The following ZNF335 variants were observed in gnomAD, a reference collection of about 807,000 sequenced individuals.
The protein encoded by ZNF335 is zinc finger protein 335, also known as NRC-interacting factor 1.
Under a neutral mutation model 145.6 loss-of-function variants are expected in ZNF335, and 84 were observed. That is an observed-to-expected ratio of 0.58 (90% CI 0.48 to 0.69). The LOEUF is 0.69. Ranked by LOEUF, ZNF335 falls within the 30% of genes least tolerant of loss-of-function variation. The pLI, the probability that ZNF335 is intolerant of heterozygous loss-of-function variation, is 0.00. For synonymous variants in ZNF335, 761 were observed against 717.0 expected (o/e 1.06, Z -0.98); for missense variants, 1,865 against 1,809.7 (o/e 1.03, Z -0.55).
intron 20 of ZNF335, among the ~76,000 whole-genome samples, chr20:45,950,922 C>T (rs931232071): frequency 2.0e-5 from 3 of 151,762 alleles, no homozygotes; most frequent in Admixed American, 2.0e-4. Context: ...GACAGTTTTG[C>T]TCTTGTTGCC....
chr20:45,949,619 G>C, intron 24 of ZNF335, 51 bp from the exon 25 acceptor site: 1 of 1,546,802 alleles, frequency 6.5e-7, no homozygotes, highest in Non-Finnish European at 8.8e-7. Flanking sequence ...GGCCCCACTC[G>C]CCAGGAGCTT....
At position 45,967,796 on chromosome 20, in the gene ZNF335, T is replaced by C. The variant is rs1205339388; in HGVS notation, c.752A>G (p.Gln251Arg). The C allele has an allele frequency of 1.2e-6, 2 of 1,613,500 alleles. No individual in the cohort carries two copies. The highest frequency in any genetic ancestry group is 2.2e-5 in the East Asian group (1 of 44,894). Residue 251 changes from glutamine to arginine, a missense_variant, in exon 5 of 28, where the codon CAG becomes CGG. Gln to Arg is a conservative substitution (Grantham distance 43). Coordinates refer to ENST00000322927, the MANE Select transcript of ZNF335 (RefSeq NM_022095.4). ...TGTGGCCTTGGTGCTGCTCCGGTAC[T>C]GGCACATCTTGCATTTGAACTGCTG... ...VVQQFKCKMC[Q>R]YRSSTKATLL...
chr20:45,962,169 T>C lies in ZNF335; in HGVS notation c.1547A>G (p.Asn516Ser), dbSNP rs1035655874. The change falls in exon 10 of 28, where the codon AAC (asparagine) becomes AGC (serine). Residue 516 changes from asparagine (N) to serine (S), a missense_variant. Asn to Ser is a conservative substitution (Grantham distance 46). Coordinates refer to ENST00000322927, the MANE Select transcript of ZNF335 (RefSeq NM_022095.4). ...RWSSLKEHMF[N>S]HVGSKPYKCD... ...CTTGTAGGGCTTGCTGCCCACGTGGTTGAACATGTGCTCCTGGGAGACAGA... is the reference window on the plus strand; with the variant it reads ...CTTGTAGGGCTTGCTGCCCACGTGGCTGAACATGTGCTCCTGGGAGACAGA... 6.2e-7 allele frequency: 1 copy of C among 1,614,054 alleles called. No homozygotes were observed. The highest frequency in any genetic ancestry group is 1.7e-5 in the Admixed American group (1 of 60,026).
At chr20:45,968,238 C>T (rs1219600433) in intron 4 of ZNF335, 47 bp downstream of exon 4, 1 of 1,586,472 alleles carries the variant, frequency 6.3e-7, no homozygotes, top group African/African-American at 1.3e-5. Flanking sequence ...CTCACCTATC[C>T]CCCTGCCCAC....
In ZNF335 at chr20:45,963,853, C is replaced by T. The variant is rs1408427442; in HGVS notation, c.1240G>A (p.Gly414Ser). Reference protein sequence around the residue: ...GKVSRTPVEAGVSQSDAENAA... With the variant: ...GKVSRTPVEASVSQSDAENAA... ...TTCTCTGCATCTGACTGGCTCACAC[C>T]AGCTTCCACAGGGGTCCTGCTCACC... Residue 414 changes from glycine (G) to serine (S), a missense_variant, in exon 8 of 28, where the codon GGT becomes AGT. Transcript: ENST00000322927. The T allele has an allele frequency of 6.2e-7, 1 of 1,612,212 alleles. No homozygotes were observed. The highest frequency in any genetic ancestry group is 1.3e-5 in the African/African-American group (1 of 74,920).
intron 20 of ZNF335, 122 bp downstream of exon 20, chr20:45,952,025 C>T: frequency 7.3e-7 from 1 of 1,377,552 alleles, no homozygotes; most frequent in African/African-American, 1.5e-5. Context: ...CATCTCTGAC[C>T]CATCTCATCC....
At chr20:45,971,942 T>C (rs1215715472) in intron 1 of ZNF335, 180 bp downstream of exon 1, 10 of 985,226 alleles carry the variant, frequency 1.0e-5, no homozygotes, top group South Asian at 4.7e-5. Flanking sequence ...CCCGACGCCA[T>C]CTTGTGGTGG....
At position 45,959,402 on chromosome 20, in the gene ZNF335, G is replaced by A; in HGVS notation, c.2052C>T (p.His684=). 6.6e-7 allele frequency: 1 copy of A among 1,514,158 alleles called. No homozygotes were observed. The highest frequency in any genetic ancestry group is 8.9e-7 in the Non-Finnish European group (1 of 1,119,832). The allele number at this position is 1,514,158 out of a possible 1,614,324, so 93.8% of individuals were successfully genotyped here. A position where few individuals can be genotyped will look rare whatever the true frequency, so the allele number is the denominator to read the frequency against. The change falls in exon 15 of 28, where the codon CAC becomes CAT. Residue 684 remains histidine, a synonymous_variant. Transcript: ENST00000322927. ...GGTTCTTCTTGTGCCGTGTGCTGAA[G>A]TGGCAGTACTCACAGGCGAAGGGCT... is the stretch of plus-strand genomic sequence containing the variant. ...GAKPFACEYC[H]FSTRHKKNLR...
In ZNF335 at chr20:45,950,500, C is replaced by T. The variant is rs577626424; in HGVS notation, c.3285G>A (p.Leu1095=). The T allele has an allele frequency of 6.4e-5, 103 of 1,614,224 alleles. No individual in the cohort carries two copies. Among genetic ancestry groups the T allele is most frequent in the Non-Finnish European group, 8.3e-5 (98 of 1,180,046 alleles). The change falls in exon 21 of 28, where the codon CTG becomes CTA. Residue 1095 remains leucine, a synonymous_variant. Transcript: ENST00000322927. ...CAAAAGGCTTCTCCTTTGTGTGAGT[C>T]AGCATGTGCCGACGCAGGTCCTTCT... is the stretch of plus-strand genomic sequence containing the variant. ...KNKKDLRRHM[L]THTKEKPFAC...
chr20:45,949,259 G>A lies in ZNF335; in HGVS notation c.3820-8C>T, dbSNP rs966644687. On this transcript the variant is annotated splice_polypyrimidine_tract_variant and splice_region_variant and intron_variant, in intron 26 of 27. Coordinates refer to ENST00000322927, the MANE Select transcript of ZNF335 (RefSeq NM_022095.4). Reference sequence around the variant, plus strand: ...CACAGGCACATACTGGATCTGGAGGGGAGAAGCTGATAAGATGCTGGCCTG... The same window carrying A: ...CACAGGCACATACTGGATCTGGAGGAGAGAAGCTGATAAGATGCTGGCCTG... 1.2e-6 allele frequency: 2 copies of A among 1,612,956 alleles called. No homozygotes were observed. The highest frequency in any genetic ancestry group is 1.7e-6 in the Non-Finnish European group (2 of 1,180,002).
intron 2 of ZNF335, among the ~76,000 whole-genome samples, chr20:45,970,931 A>G (rs1396637111): frequency 6.6e-6 from 1 of 152,130 alleles, no homozygotes; most frequent in East Asian, 1.9e-4. Context: ...TGTGGGTAGT[A>G]TAGTAGCTAA....
Position 45,953,893 on chromosome 20 carries a change from T to C in ZNF335, c.2498A>G (p.Gln833Arg), listed in dbSNP as rs756508205. ...TGGAGTGGCACCTTCAGGGGAGGGC[T>C]GCCCACCAGGGGATGCTAACCCTGC... ...VEAGLASPGG[Q>R]PSPEGATPQV... The change falls in exon 18 of 28, where the codon CAG becomes CGG. Residue 833 changes from glutamine (Q) to arginine (R), a missense_variant. By Grantham distance (43) the Gln-to-Arg change is conservative. Coordinates refer to ENST00000322927, the MANE Select transcript of ZNF335 (RefSeq NM_022095.4). The C allele has an allele frequency of 1.2e-6, 2 of 1,613,080 alleles. No homozygotes were observed. The highest frequency in any genetic ancestry group is 2.7e-5 in the African/African-American group (2 of 74,936).
chr20:45,971,819 G>T, intron 1 of ZNF335: 1 of 985,270 alleles, frequency 1.0e-6, no homozygotes, highest in Non-Finnish European at 1.2e-6. Flanking sequence ...CAGCCCGCTG[G>T]CCCCCTGGGT....
intron 3 of ZNF335, 90 bp from the exon 4 acceptor site, chr20:45,968,452 A>G: frequency 8.0e-7 from 1 of 1,253,286 alleles, no homozygotes; most frequent in Non-Finnish European, 1.2e-6. Context: ...GCCTGTGAGC[A>G]GGGCTGGTCC....
chr20:45,966,237 A>AT (rs76603800), intron 6 of ZNF335, among the ~76,000 whole-genome samples: 326 of 144,572 alleles, frequency 2.3e-3, no homozygotes, highest in Middle Eastern at 7.3e-3. Context: ...CTCACCAATA[A>AT]TTTTTTTTTT....
chr20:45,960,951 A>G, intron 10 of ZNF335, 69 bp from the exon 11 acceptor site: 1 of 1,597,112 alleles, frequency 6.3e-7, no homozygotes, highest in South Asian at 1.1e-5. Context: ...CTCACACTGA[A>G]CAGACCCAGC....
rs1216228401 is a variant in ZNF335 at position 45,967,641 on chromosome 20, G to A, written c.815-7C>T. On this transcript the variant is annotated splice_region_variant and splice_polypyrimidine_tract_variant and intron_variant, in intron 5 of 27. Coordinates refer to ENST00000322927, the MANE Select transcript of ZNF335 (RefSeq NM_022095.4). ...GCTGCTGCGGCTGCTGCTACTGGAA[G>A]TGGAGGGAGGGTAAGACAAGCTTGC... 4 of 1,613,676 alleles carry A rather than the reference G, an allele frequency of 2.5e-6. No homozygotes were observed.
chr20:45,949,160 A>G lies in ZNF335; in HGVS notation c.3901+10T>C. On this transcript the variant is annotated intron_variant, in intron 27 of 27. Transcript: ENST00000322927. ...CCCAGCCCCATGCTCCTCAGGATCCAGCTCCATACCTGTGACAGCTGAGTG... is the reference window on the plus strand; with the variant it reads ...CCCAGCCCCATGCTCCTCAGGATCCGGCTCCATACCTGTGACAGCTGAGTG... 1.2e-6 allele frequency: 2 copies of G among 1,613,628 alleles called. No individual in the cohort carries two copies. The highest frequency in any genetic ancestry group is 1.7e-6 in the Non-Finnish European group (2 of 1,179,958).
In ZNF335 at chr20:45,950,566, C is replaced by T. The variant is rs757020133; in HGVS notation, c.3219G>A (p.Arg1073=). The T allele has an allele frequency of 5.0e-6, 8 of 1,614,090 alleles. No individual in the cohort carries two copies. Among genetic ancestry groups the T allele is most frequent in the East Asian group, 2.2e-5 (1 of 44,890 alleles). Residue 1073 remains arginine (R), a synonymous_variant, in exon 21 of 28, where the codon CGG becomes CGA. Coordinates refer to ENST00000322927, the MANE Select transcript of ZNF335 (RefSeq NM_022095.4). The stretch of plus-strand genomic sequence containing the variant: ...AGCTGCACTGGCTACACTGGTGGGG[C>T]CGTAGGCTTGAGTGCTGTGCCATGT... ...RAHMAQHSSL[R]PHQCSQCSFA...
Sources: gnomAD v4.1 joint callset for allele counts (sites outside exome capture counted in the v4.1 genomes callset) on GRCh38, gnomAD v4.1.1 for gene constraint, MANE v1.5 for transcripts, NCBI Gene and HGNC (gene_info 2026-07-23, HGNC 2026-07-21) for gene names.